The following ALDH1A2 variants were observed in gnomAD, a reference collection of about 807,000 sequenced individuals.
The protein encoded by ALDH1A2 is retinal dehydrogenase 2.
ALDH1A2 carries 27 observed loss-of-function variants against 60.3 expected under a neutral mutation model. The observed-to-expected ratio is 0.45, with a 90% CI of 0.33 to 0.62. The LOEUF (loss-of-function observed/expected upper bound fraction) is 0.62. Ranked by LOEUF, ALDH1A2 falls within the 20% of genes least tolerant of loss-of-function variation. The probability of loss-of-function intolerance (pLI) is 0.02; values close to 1 mark genes in which losing one functional copy is unlikely to be tolerated. For missense variants in ALDH1A2, 581 were observed against 643.8 expected (o/e 0.90, Z 1.06); for synonymous variants, 289 against 232.4 (o/e 1.24, Z -2.21).
At chr15:58,022,367 G>C (rs752488414) in intron 1 of ALDH1A2, among the ~76,000 whole-genome samples, 4 of 152,164 alleles carry the variant, frequency 2.6e-5, no homozygotes, top group Non-Finnish European at 5.9e-5. Context: ...CGGGCCTGGA[G>C]ACTTGCCTGT....
chr15:58,063,049 T>G (rs1425664872), intron 1 of ALDH1A2, among the ~76,000 whole-genome samples: 17 of 152,130 alleles, frequency 1.1e-4, no homozygotes, highest in African/African-American at 4.1e-4. Context: ...GAGGAGGAAG[T>G]TGGAGCAAAA....
chr15:58,033,653 G>C (rs1595680000), intron 1 of ALDH1A2, among the ~76,000 whole-genome samples: 1 of 144,712 alleles, frequency 6.9e-6, no homozygotes. Flanking sequence ...GTTAATTTTT[G>C]TGGAAGTTGT....
intron 4 of ALDH1A2, among the ~76,000 whole-genome samples, chr15:58,008,678 G>A (rs1476496261): frequency 2.6e-5 from 4 of 152,042 alleles, no homozygotes; most frequent in African/African-American, 9.7e-5. Context: ...AAACATATTT[G>A]TTGTTTTAAT....
At chr15:58,060,721 A>G (rs1897013860) in intron 1 of ALDH1A2, among the ~76,000 whole-genome samples, 1 of 152,200 alleles carries the variant, frequency 6.6e-6, no homozygotes, top group African/African-American at 2.4e-5. Context: ...CAGACAGTAT[A>G]TAATTGAATG....
intron 4 of ALDH1A2, among the ~76,000 whole-genome samples, chr15:57,995,873 C>G (rs1435507323): frequency 6.6e-6 from 1 of 152,104 alleles, no homozygotes; most frequent in African/African-American, 2.4e-5. Flanking sequence ...TACAGGAAGT[C>G]CAAACCAAAT....
At chr15:58,040,524 G>A (rs1179327557) in intron 1 of ALDH1A2, among the ~76,000 whole-genome samples, 1 of 151,862 alleles carries the variant, frequency 6.6e-6, no homozygotes, top group Non-Finnish European at 1.5e-5. Flanking sequence ...TACGATGTAG[G>A]CATTATTTCC....
rs145865459 is a variant in ALDH1A2 at position 58,035,686 on chromosome 15, G to A, written c.118-21405C>T. On this transcript the variant is annotated intron_variant, in intron 1 of 12. Transcript: ENST00000249750. Reference sequence around the variant, plus strand: ...TTTAACTCATGTGTTATTCAGAAGTGTGTTCTTTAATTTCCAAATATTTTT... The same window carrying A: ...TTTAACTCATGTGTTATTCAGAAGTATGTTCTTTAATTTCCAAATATTTTT... 2.4e-3 allele frequency among the ~76,000 whole-genome samples: 362 copies of A among 151,790 alleles called. 1 individual carries two copies. Among genetic ancestry groups the A allele is most frequent in the African/African-American group, 8.4e-3 (349 of 41,508 alleles).
intron 1 of ALDH1A2, among the ~76,000 whole-genome samples, chr15:58,040,684 T>C (rs1469549545): frequency 6.6e-6 from 1 of 151,948 alleles, no homozygotes; most frequent in Non-Finnish European, 1.5e-5. Flanking sequence ...TAAAGATCTA[T>C]ATTCTATTAG....
chr15:57,954,896 C>G lies in ALDH1A2; in HGVS notation c.*301G>C, dbSNP rs776980731. On this transcript the variant is annotated 3_prime_UTR_variant, in exon 13 of 13. Transcript: ENST00000249750. ...GACAAAGACATGAAATAATACAGCT[C>G]CCTTATTTCATCCTGTGCTCCAGAA... 8.6e-6 allele frequency: 4 copies of G among 467,280 alleles called. No individual in the cohort carries two copies. The highest frequency in any genetic ancestry group is 1.6e-5 in the Non-Finnish European group (4 of 254,446). 28.9% of individuals were successfully genotyped at this position (467,280 alleles called of 1,614,324 possible).
intron 4 of ALDH1A2, among the ~76,000 whole-genome samples, chr15:58,007,838 G>T (rs1270271272): frequency 6.7e-6 from 1 of 149,666 alleles, no homozygotes; most frequent in Non-Finnish European, 1.5e-5. Context: ...AAATGAAGCT[G>T]ATGTTAAATT....
intron 1 of ALDH1A2, among the ~76,000 whole-genome samples, chr15:58,053,983 A>G (rs556412749): frequency 1.0e-3 from 157 of 152,262 alleles, no homozygotes; most frequent in African/African-American, 3.5e-3. Flanking sequence ...TATGTCGCCA[A>G]TTCAATCCAT....
intron 7 of ALDH1A2, among the ~76,000 whole-genome samples, chr15:57,988,927 G>GGGAGGC (rs1267265384): frequency 2.6e-5 from 4 of 152,134 alleles, no homozygotes; most frequent in African/African-American, 9.7e-5. Context: ...CCAGCATTTT[G>GGGAGGC]GGAGGCTGAG....
At chr15:57,978,667 A>C (rs1407562985) in intron 7 of ALDH1A2, among the ~76,000 whole-genome samples, 1 of 151,864 alleles carries the variant, frequency 6.6e-6, no homozygotes, top group Non-Finnish European at 1.5e-5. Flanking sequence ...CAGTACTTGG[A>C]GGGGCATGTG....
At chr15:58,052,712 T>TC (rs1896806152) in intron 1 of ALDH1A2, among the ~76,000 whole-genome samples, 1 of 152,158 alleles carries the variant, frequency 6.6e-6, no homozygotes, top group Non-Finnish European at 1.5e-5. Context: ...AAGAAACTGT[T>TC]AAATGAACAT....
At chr15:58,021,373 A>G (rs1472978385) in intron 1 of ALDH1A2, among the ~76,000 whole-genome samples, 2 of 152,198 alleles carry the variant, frequency 1.3e-5, no homozygotes, top group East Asian at 1.9e-4. Flanking sequence ...CAAAAGTAAG[A>G]AAAGAGGTTG....
intron 7 of ALDH1A2, chr15:57,990,540 T>A (rs1314730975): frequency 2.0e-5 from 3 of 152,198 alleles, no homozygotes; most frequent in African/African-American, 7.2e-5. Context: ...CAAGGTGTTA[T>A]CTCTTGTTTG....
intron 12 of ALDH1A2, among the ~76,000 whole-genome samples, chr15:57,955,854 C>T (rs1441877841): frequency 1.3e-5 from 2 of 152,340 alleles, no homozygotes; most frequent in Non-Finnish European, 2.9e-5. Flanking sequence ...TCTCTATTCT[C>T]CTGTTCTTTT....
At chr15:58,034,744 T>C (rs1896332505) in intron 1 of ALDH1A2, among the ~76,000 whole-genome samples, 1 of 151,736 alleles carries the variant, frequency 6.6e-6, no homozygotes, top group Non-Finnish European at 1.5e-5. Flanking sequence ...ATTTTTTCTT[T>C]GTCAGCCCAT....
At chr15:57,986,571 C>CAAAAAAAAAAAAAAAAAA (rs71116542) in intron 7 of ALDH1A2, among the ~76,000 whole-genome samples, 6 of 82,076 alleles carry the variant, frequency 7.3e-5, no homozygotes, top group South Asian at 1.4e-3. Flanking sequence ...ACAGAAAAGC[C>CAAAAAAAAAAAAAAAAAA]AAAAAAAAAA....
Sources: allele counts gnomAD v4.1 joint callset (sites outside exome capture counted in the v4.1 genomes callset), GRCh38; gene constraint gnomAD v4.1.1; transcripts MANE v1.5; gene names NCBI Gene and HGNC (gene_info 2026-07-23, HGNC 2026-07-21).